The following CCDC30 variants were observed in gnomAD, a reference collection of about 807,000 sequenced individuals.
CCDC30 encodes coiled-coil domain-containing protein 30.
Under a neutral mutation model 100.2 loss-of-function variants are expected in CCDC30, and 70 were observed. The ratio of observed to expected loss-of-function variants is 0.70; its 90% CI spans 0.58 to 0.85. The LOEUF (loss-of-function observed/expected upper bound fraction) is 0.85. CCDC30 is among the 40% of genes least tolerant of loss of function. The pLI, the probability that CCDC30 is intolerant of heterozygous loss-of-function variation, is 0.00. For synonymous variants in CCDC30, 233 were observed against 269.5 expected, an observed-to-expected ratio of 0.86 and a Z score of 1.33; for missense variants, 652 against 771.2, an observed-to-expected ratio of 0.85 and a Z score of 1.83.
At chr1:42,504,085 C>T (rs928101890) in intron 6 of CCDC30, among the ~76,000 whole-genome samples, 8 of 152,210 alleles carry the variant, frequency 5.3e-5, no homozygotes, top group East Asian at 3.8e-4. Context: ...TTATGGGAAA[C>T]GAAGGGATGG....
In CCDC30 at chr1:42,542,539, C is replaced by CTT. The variant is rs58751072; in HGVS notation, c.457-23736_457-23735dup. On this transcript the variant is annotated intron_variant, in intron 6 of 16. Transcript: ENST00000668663. ...CACACCTGGCTAATTTTAAATTTTT[C>CTT]TTTTTTTTTTTTTTTTTTTTTTGAG... 3.2e-3 allele frequency among the ~76,000 whole-genome samples: 244 copies of CTT among 75,550 alleles called. 16 individuals are homozygous for CTT. Among genetic ancestry groups the CTT allele is most frequent in the African/African-American group, 3.8e-3 (81 of 21,562 alleles). The allele number at this position is 75,550 out of a possible 152,430, so 49.6% of individuals were successfully genotyped here. A position where few individuals can be genotyped will look rare whatever the true frequency, so the allele number is the denominator to read the frequency against.
chr1:42,568,756 C>T (rs1645663157), intron 7 of CCDC30, among the ~76,000 whole-genome samples: 1 of 150,224 alleles, frequency 6.7e-6, no homozygotes. Context: ...ATGGCGAAAC[C>T]CCATCTCTAC....
chr1:42,569,616 C>G (rs1457909537), intron 7 of CCDC30, among the ~76,000 whole-genome samples: 1 of 152,084 alleles, frequency 6.6e-6, no homozygotes, highest in African/African-American at 2.4e-5. Flanking sequence ...CCCAGCAATC[C>G]CATTACTGGC....
intron 7 of CCDC30, among the ~76,000 whole-genome samples, chr1:42,575,648 T>TAAAAAAAAAAAAAAAAAAA (rs1156600822): frequency 1.5e-4 from 1 of 6,850 alleles, no homozygotes; most frequent in Non-Finnish European, 3.0e-4. Context: ...AGACCCTGTC[T>TAAAAAAAAAAAAAAAAAAA]CAAAAAAAAA....
At chr1:42,622,636 CT>C (rs370828747) in intron 11 of CCDC30, among the ~76,000 whole-genome samples, 96 of 148,778 alleles carry the variant, frequency 6.5e-4, no homozygotes, top group African/African-American at 1.9e-3. Flanking sequence ...CCGCACCTGG[CT>C]TTTTTTTTTC....
rs1422342311 is a variant in CCDC30, at chr1:42,566,284, TG to T, written c.457-11del. Reference sequence around the variant, plus strand: ...AATTGTCTGTGTTTCTCTTTTAAAATGTTTGCTTTAGCATCCATCATCTGGA... The same window carrying T: ...AATTGTCTGTGTTTCTCTTTTAAAATTTTGCTTTAGCATCCATCATCTGGA... On this transcript the variant is annotated splice_polypyrimidine_tract_variant and intron_variant, in intron 6 of 16. Coordinates refer to ENST00000668663, the Ensembl canonical transcript of CCDC30. 1 of 1,602,306 alleles carries T rather than the reference TG, an allele frequency of 6.2e-7. No homozygotes were observed. The highest frequency in any genetic ancestry group is 1.3e-5 in the African/African-American group (1 of 74,546).
chr1:42,462,081 C>A (rs761560067), upstream of CCDC30, among the ~76,000 whole-genome samples: 4 of 152,162 alleles, frequency 2.6e-5, no homozygotes, highest in Admixed American at 2.0e-4. Flanking sequence ...TTATTACCTC[C>A]CTTGGGAATT....
intron 6 of CCDC30, among the ~76,000 whole-genome samples, chr1:42,508,840 C>CA (rs1557814337): frequency 6.6e-6 from 1 of 151,590 alleles, no homozygotes; most frequent in Admixed American, 6.6e-5. Flanking sequence ...AGCCCTTTTT[C>CA]AAAAAAACAG....
At chr1:42,467,041 G>A (rs1390161425) in intron 1 of CCDC30, among the ~76,000 whole-genome samples, 3 of 152,208 alleles carry the variant, frequency 2.0e-5, no homozygotes, top group Non-Finnish European at 4.4e-5. Flanking sequence ...TCCAGGTAGA[G>A]TGACCTGAAT....
At chr1:42,493,519 A>G (rs1263135324) in intron 4 of CCDC30, among the ~76,000 whole-genome samples, 1 of 152,166 alleles carries the variant, frequency 6.6e-6, no homozygotes, top group African/African-American at 2.4e-5. Context: ...CCTGGGAGGC[A>G]GAGGTTGCAG....
intron 1 of CCDC30, among the ~76,000 whole-genome samples, chr1:42,477,544 T>G (rs1021175712): frequency 6.6e-6 from 1 of 152,182 alleles, no homozygotes; most frequent in East Asian, 1.9e-4. Context: ...TCATGATGAT[T>G]GATAAATAGG....
chr1:42,647,327 C>G (rs1395316261), intron 15 of CCDC30, among the ~76,000 whole-genome samples: 1 of 148,232 alleles, frequency 6.7e-6, no homozygotes, highest in Non-Finnish European at 1.5e-5. Context: ...AAGTCAAAGA[C>G]TAAAAACGAC....
the CCDC30 span, chr1:42,456,717 C>A: frequency 6.2e-7 from 1 of 1,608,892 alleles, no homozygotes; most frequent in Non-Finnish European, 8.5e-7. Flanking sequence ...CCACTGGAAG[C>A]GCGGCCGGTG....
At chr1:42,640,076 G>A (rs1406973912) in intron 12 of CCDC30, among the ~76,000 whole-genome samples, 1 of 152,110 alleles carries the variant, frequency 6.6e-6, no homozygotes, top group African/African-American at 2.4e-5. Context: ...ACTGATGTTA[G>A]AGCTTTTAAT....
At chr1:42,507,875 G>A (rs1354680722) in intron 6 of CCDC30, among the ~76,000 whole-genome samples, 1 of 148,468 alleles carries the variant, frequency 6.7e-6, no homozygotes, top group Non-Finnish European at 1.5e-5. Flanking sequence ...GATAACACTT[G>A]TATTTTACCA....
chr1:42,649,557 C>T (rs529669765), intron 15 of CCDC30, among the ~76,000 whole-genome samples: 6 of 152,244 alleles, frequency 3.9e-5, no homozygotes, highest in East Asian at 1.9e-4. Flanking sequence ...AGGATGCCCA[C>T]GCTCACCACT....
chr1:42,611,072 T>C, exon 11 of CCDC30: 1 of 1,599,740 alleles, frequency 6.3e-7, no homozygotes. Context: ...TTATTGAAGC[T>C]GCTTAATGTC....
At chr1:42,621,083 C>A (rs886786422) in intron 11 of CCDC30, among the ~76,000 whole-genome samples, 1 of 152,150 alleles carries the variant, frequency 6.6e-6, no homozygotes, top group South Asian at 2.1e-4. Flanking sequence ...AGCATAGATT[C>A]AAATTGCCCT....
chr1:42,517,565 T>A (rs902703354), intron 6 of CCDC30, among the ~76,000 whole-genome samples: 2 of 152,208 alleles, frequency 1.3e-5, no homozygotes, highest in African/African-American at 2.4e-5. Context: ...TGTGTTTAGG[T>A]CTTTTTATCC....
Sources: allele counts gnomAD v4.1 joint callset (sites outside exome capture counted in the v4.1 genomes callset), GRCh38; gene constraint gnomAD v4.1.1; transcripts MANE v1.5; gene names NCBI Gene and HGNC (gene_info 2026-07-23, HGNC 2026-07-21).